The following KLHL5 variants were observed in gnomAD, a reference collection of about 807,000 sequenced individuals.
KLHL5 encodes the protein kelch like family member 5, also known as kelch-like protein 5.
In KLHL5, 48 loss-of-function variants were observed where a neutral mutation model predicts 77.7. The ratio of observed to expected loss-of-function variants is 0.62; its 90% confidence interval spans 0.49 to 0.79. The LOEUF is 0.79. Ranked by LOEUF, KLHL5 falls within the 30% of genes least tolerant of loss-of-function variation. KLHL5 has a pLI of 0.00. For synonymous variants in KLHL5, 260 were observed against 297.0 expected, an observed-to-expected ratio of 0.88 and a Z score of 1.28; for missense variants, 723 against 859.7, an observed-to-expected ratio of 0.84 and a Z score of 1.99.
At chr4:39,062,210 A>G, upstream of KLHL5, 2 of 1,126,934 alleles carry the variant, frequency 1.8e-6, no homozygotes, top group African/African-American at 3.2e-5. Context: ...GAGTTAATAT[A>G]CTAAGCAGCA....
intron 1 of KLHL5, among the ~76,000 whole-genome samples, chr4:39,049,308 A>G (rs1716445774): frequency 1.3e-5 from 2 of 152,254 alleles, no homozygotes; most frequent in South Asian, 4.1e-4. Context: ...GCTTTTGAGA[A>G]CTTCACAATT....
chr4:39,090,349 C>CAGTA (rs1330559205), intron 5 of KLHL5, among the ~76,000 whole-genome samples: 14 of 151,930 alleles, frequency 9.2e-5, no homozygotes, highest in African/African-American at 3.4e-4. Context: ...AACTTACATA[C>CAGTA]AGTAATTTTA....
At chr4:39,077,818 T>C (rs548937278) in intron 2 of KLHL5, among the ~76,000 whole-genome samples, 1 of 152,158 alleles carries the variant, frequency 6.6e-6, no homozygotes, top group South Asian at 2.1e-4. Context: ...GAAAAAGATG[T>C]TTGCACACAA....
rs890543082 is a variant in KLHL5 at position 39,123,990 on chromosome 4, T to C, written c.*2924T>C. On this transcript the variant is annotated 3_prime_UTR_variant, in exon 11 of 11. Coordinates refer to ENST00000504108, the MANE Select transcript of KLHL5 (RefSeq NM_015990.5). ...GCTGATTTTAAAAATTCAGCAATGT[T>C]GCAGGTTGCAAGATCAACACACAAA... Among the ~76,000 whole-genome samples, 4 of 152,022 alleles carry C rather than the reference T, an allele frequency of 2.6e-5. No individual in the cohort carries two copies. The highest frequency in any genetic ancestry group is 2.0e-4 in the Admixed American group (3 of 15,268).
intron 1 of KLHL5, among the ~76,000 whole-genome samples, chr4:39,055,536 A>T (rs1716950059): frequency 6.6e-6 from 1 of 152,222 alleles, no homozygotes; most frequent in East Asian, 1.9e-4. Context: ...TTAACCCTAT[A>T]TGAAAAGATT....
the KLHL5 span, among the ~76,000 whole-genome samples, chr4:39,136,599 G>A: frequency 8.5e-5 from 13 of 152,318 alleles, no homozygotes; most frequent in African/African-American, 2.9e-4. Context: ...GCTACAGGGT[G>A]GGTGACCTGG....
chr4:39,070,310 A>G (rs1430388548), intron 1 of KLHL5, among the ~76,000 whole-genome samples: 2 of 152,238 alleles, frequency 1.3e-5, no homozygotes, highest in Non-Finnish European at 1.5e-5. Context: ...TGGATAGGAA[A>G]AAACAATGTC....
chr4:39,063,114 A>G, intron 1 of KLHL5, 79 bp downstream of exon 1: 1 of 1,017,930 alleles, frequency 9.8e-7, no homozygotes. Context: ...AGTATTTATT[A>G]TTTAAAATCT....
At chr4:39,120,195 C>A (rs955889163) in intron 10 of KLHL5, 5 of 152,208 alleles carry the variant, frequency 3.3e-5, no homozygotes, top group Non-Finnish European at 5.9e-5. Context: ...GGGTCAAATG[C>A]ATAGATTCTT....
At chr4:39,130,310 C>G (rs1001626048), downstream of KLHL5, among the ~76,000 whole-genome samples, 13 of 152,202 alleles carry the variant, frequency 8.5e-5, no homozygotes, top group Admixed American at 3.3e-4. Context: ...TAGTTAACTG[C>G]AGCAGGAGCA....
Position 39,062,385 on chromosome 4 carries a change from C to T in KLHL5, c.-268C>T. 1 of 1,449,404 alleles carries T rather than the reference C, an allele frequency of 6.9e-7. No individual in the cohort carries two copies. Among genetic ancestry groups the T allele is most frequent in the African/African-American group, 1.4e-5 (1 of 69,934 alleles). The allele number at this position is 1,449,404 out of a possible 1,614,324, so 89.8% of individuals were successfully genotyped here. On this transcript the variant is annotated 5_prime_UTR_variant, in exon 1 of 11. Transcript: ENST00000504108. The stretch of plus-strand genomic sequence containing the variant: ...AAGGAGAGCCGGGAAAGTGGTCTAG[C>T]TGCTTCAGGATAGGTGGATGAGAGT...
intron 5 of KLHL5, chr4:39,093,079 C>T (rs1479178505): frequency 6.6e-6 from 3 of 455,852 alleles, no homozygotes; most frequent in South Asian, 3.1e-5. Flanking sequence ...TTCATAATAG[C>T]TTGAAACTGG....
chr4:39,062,343 TAA>T lies in KLHL5; in HGVS notation c.-309_-308del. 16 of 1,422,384 alleles carry T rather than the reference TAA, an allele frequency of 1.1e-5. No individual in the cohort carries two copies. Among genetic ancestry groups the T allele is most frequent in the Admixed American group, 9.0e-5 (3 of 33,502 alleles). 88.1% of individuals were successfully genotyped at this position (1,422,384 alleles called of 1,614,324 possible). A position where few individuals can be genotyped will look rare whatever the true frequency, so the allele number is the denominator to read the frequency against. Reference sequence around the variant, plus strand: ...GAATGCTGTCAGTGTTTGTGAGACCTAATGGTCAGTATGGGAAAGGAGAGCCG... The same window carrying T: ...GAATGCTGTCAGTGTTTGTGAGACCTTGGTCAGTATGGGAAAGGAGAGCCG... On this transcript the variant is annotated 5_prime_UTR_variant, in exon 1 of 11. The change abolishes an upstream ATG in the 5' untranslated region. Transcript: ENST00000504108.
chr4:39,086,065 A>T (rs75890428), intron 4 of KLHL5, among the ~76,000 whole-genome samples: 83 of 152,298 alleles, frequency 5.4e-4, no homozygotes, highest in African/African-American at 1.9e-3. Context: ...ATTTCTTAGT[A>T]AGAGAAGTAA....
intron 5 of KLHL5, among the ~76,000 whole-genome samples, chr4:39,090,263 A>C (rs995368329): frequency 2.6e-5 from 4 of 152,200 alleles, no homozygotes; most frequent in African/African-American, 9.7e-5. Flanking sequence ...TCCTTTTCCA[A>C]TGATACCAAC....
intron 5 of KLHL5, among the ~76,000 whole-genome samples, chr4:39,092,697 C>G (rs1720695873): frequency 6.6e-6 from 1 of 152,058 alleles, no homozygotes; most frequent in South Asian, 2.1e-4. Context: ...TGCTAGTTTC[C>G]AAATACCACC....
At chr4:39,093,188 A>C (rs1257876533) in intron 5 of KLHL5, 2 of 453,828 alleles carry the variant, frequency 4.4e-6, no homozygotes, top group African/African-American at 4.0e-5. Flanking sequence ...GAAATGAAGC[A>C]CTGATACGAG....
intron 7 of KLHL5, among the ~76,000 whole-genome samples, chr4:39,105,045 G>A (rs1481856653): frequency 6.6e-6 from 1 of 152,158 alleles, no homozygotes; most frequent in Non-Finnish European, 1.5e-5. Context: ...TTACAGGCAT[G>A]AGCCACCACG....
intron 1 of KLHL5, among the ~76,000 whole-genome samples, chr4:39,065,683 C>T (rs1717835659): frequency 6.6e-6 from 1 of 151,988 alleles, no homozygotes; most frequent in African/African-American, 2.4e-5. Context: ...AACTTTGGAA[C>T]AATTCTTTTT....
Sources: gnomAD v4.1 joint callset for allele counts (sites outside exome capture counted in the v4.1 genomes callset) on GRCh38, gnomAD v4.1.1 for gene constraint, MANE v1.5 for transcripts, NCBI Gene and HGNC (gene_info 2026-07-23, HGNC 2026-07-21) for gene names.